Variants in ENPP7 observed in about 807,000 individuals in gnomAD.
The protein encoded by ENPP7 is ectonucleotide pyrophosphatase/phosphodiesterase 7.
ENPP7 carries 39 observed loss-of-function variants against 33.6 expected under a neutral mutation model. The ratio of observed to expected loss-of-function variants is 1.16; its 90% confidence interval spans 0.90 to 1.52. ENPP7 has a LOEUF of 1.52. ENPP7 is among the 40% of genes most tolerant of loss of function. ENPP7 has a pLI of 0.00. For synonymous variants in ENPP7, 244 were observed against 274.3 expected, an observed-to-expected ratio of 0.89 and a Z score of 1.09; for missense variants, 594 against 641.0, an observed-to-expected ratio of 0.93 and a Z score of 0.79.
Position 79,737,886 on chromosome 17 carries a change from C to T in ENPP7, c.1247-30C>T. The T allele has an allele frequency of 1.9e-6, 3 of 1,612,240 alleles. No homozygotes were observed. Among genetic ancestry groups the T allele is most frequent in the Non-Finnish European group, 2.5e-6 (3 of 1,179,300 alleles). On this transcript the variant is annotated intron_variant, in intron 4 of 5. Transcript: ENST00000328313. This position sits in a 1 kb window ranked among gnomAD's most constrained non-coding sequence, Gnocchi z 5.5. The stretch of plus-strand genomic sequence containing the variant: ...GGCTGGGGTGAGGAGCCATCCCTCT[C>T]TCCCTCACAGGTCCTCTGGCTTTCC...
Position 79,742,121 on chromosome 17 carries a change from T to A in ENPP7, c.*344T>A. 1 of 209,358 alleles carries A rather than the reference T, an allele frequency of 4.8e-6. No individual in the cohort carries two copies. The highest frequency in any genetic ancestry group is 8.3e-6 in the Non-Finnish European group (1 of 120,290). 13.0% of individuals were successfully genotyped at this position (209,358 alleles called of 1,614,324 possible). ...GCCACGCGGGGGCGCGCGGGAGCTC[T>A]GCGGGCGCTGGAACCTGCAGACCCG... On this transcript the variant is annotated 3_prime_UTR_variant, in exon 6 of 6. Transcript: ENST00000328313.
rs2094300759 is a variant in ENPP7 at position 79,738,795 on chromosome 17, T to G, written c.*16+733T>G. The G allele has an allele frequency of 6.6e-6, 1 of 152,108 alleles. No individual in the cohort carries two copies. Among genetic ancestry groups the G allele is most frequent in the Non-Finnish European group, 1.5e-5 (1 of 68,064 alleles). 9.4% of individuals were successfully genotyped at this position (152,108 alleles called of 1,614,324 possible). ...GGGAGCCTCCGAGGACAGTGCTCCCTTGTCTGTCTGTGCAGCCACAGCCTC... is the reference window on the plus strand; with the variant it reads ...GGGAGCCTCCGAGGACAGTGCTCCCGTGTCTGTCTGTGCAGCCACAGCCTC... On this transcript the variant is annotated intron_variant, in intron 5 of 5. Transcript: ENST00000328313. The surrounding 1 kb of genome is among the most constrained non-coding windows in gnomAD (Gnocchi z 6.2).
Position 79,733,171 on chromosome 17 carries a change from C to A in ENPP7, c.254-337C>A, listed in dbSNP as rs528171093. On this transcript the variant is annotated intron_variant, in intron 1 of 5. Coordinates refer to ENST00000328313, the MANE Select transcript of ENPP7 (RefSeq NM_178543.5). ...GACGGCCGTGGAGGTCACCCGCAAT[C>A]TTTTGCTAAAGCAAACAAGGCTGCC... Among the ~76,000 whole-genome samples, 12 of 152,362 alleles carry A rather than the reference C, an allele frequency of 7.9e-5. No individual in the cohort carries two copies. The South Asian group carries it at 2.3e-3, about 29-fold the overall frequency.
intron 1 of ENPP7, among the ~76,000 whole-genome samples, chr17:79,731,813 T>C (rs1449407028): frequency 2.0e-5 from 3 of 152,004 alleles, no homozygotes; most frequent in Non-Finnish European, 4.4e-5. Flanking sequence ...AAGCCAAATA[T>C]GGGGCCAGGC....
intron 1 of ENPP7, among the ~76,000 whole-genome samples, chr17:79,732,053 G>T (rs1467153769): frequency 1.4e-5 from 2 of 145,262 alleles, no homozygotes; most frequent in African/African-American, 5.1e-5. Context: ...AGCTGAGATC[G>T]CACCACTGCA....
At position 79,737,868 on chromosome 17, in the gene ENPP7, G is replaced by A. The variant is rs199845056; in HGVS notation, c.1247-48G>A. Reference sequence around the variant, plus strand: ...CCGAGTTTACTGTGGAGAGGCTGGGGTGAGGAGCCATCCCTCTCTCCCTCA... The same window carrying A: ...CCGAGTTTACTGTGGAGAGGCTGGGATGAGGAGCCATCCCTCTCTCCCTCA... On this transcript the variant is annotated intron_variant, in intron 4 of 5. Transcript: ENST00000328313. The surrounding 1 kb of genome is among the most constrained non-coding windows in gnomAD (Gnocchi z 5.5). The A allele has an allele frequency of 3.1e-6, 5 of 1,605,426 alleles. No homozygotes were observed. In the East Asian group the frequency reaches 1.1e-4, roughly 36 times the overall value.
chr17:79,738,048 G>A lies in ENPP7; in HGVS notation c.*2G>A, dbSNP rs375019109. On this transcript the variant is annotated 3_prime_UTR_variant, in exon 5 of 6. Coordinates refer to ENST00000328313, the MANE Select transcript of ENPP7 (RefSeq NM_178543.5). The surrounding 1 kb of genome is among the most constrained non-coding windows in gnomAD (Gnocchi z 6.2). Reference sequence around the variant, plus strand: ...ATTCTTCTGTCTGAGGTCGCATAACGCCCCATGGCTCAAGGTCAGAGACCC... The same window carrying A: ...ATTCTTCTGTCTGAGGTCGCATAACACCCCATGGCTCAAGGTCAGAGACCC... The A allele has an allele frequency of 1.3e-4, 204 of 1,609,774 alleles. No individual in the cohort carries two copies. The Middle Eastern group carries it at 1.5e-3, about 12-fold the overall frequency.
rs191381691 is a variant in ENPP7 at position 79,731,918 on chromosome 17, C to T, written c.253+526C>T. ...TTCGAGACCTGCCTGGCCAACATGG[C>T]GAAACCCCATCTCTACTAAAAATAC... is the stretch of plus-strand genomic sequence containing the variant. On this transcript the variant is annotated intron_variant, in intron 1 of 5. Transcript: ENST00000328313. 4.6e-3 allele frequency among the ~76,000 whole-genome samples: 700 copies of T among 151,720 alleles called. 9 individuals are homozygous for T. The highest frequency in any genetic ancestry group is 0.016 in the African/African-American group (671 of 41,394).
intron 5 of ENPP7, among the ~76,000 whole-genome samples, chr17:79,740,485 C>T (rs2094303319): frequency 6.6e-6 from 1 of 152,150 alleles, no homozygotes; most frequent in South Asian, 2.1e-4. Context: ...TGCTCAGGGG[C>T]TTGGGTCCTG....
At chr17:79,736,914 C>T (rs2094296876) in intron 3 of ENPP7, 127 bp from the exon 4 acceptor site, 2 of 711,882 alleles carry the variant, frequency 2.8e-6, no homozygotes, top group Non-Finnish European at 4.8e-6. Context: ...GAAACTGAGT[C>T]TTGGAACCCC....
At chr17:79,741,741 C>T in intron 5 of ENPP7, 53 bp from the exon 6 acceptor site, 1 of 976,466 alleles carries the variant, frequency 1.0e-6, no homozygotes, top group Non-Finnish European at 1.2e-6. Context: ...GACCTGCCCT[C>T]AGCCTGCCCC....
At chr17:79,736,048 C>T (rs1204463916) in intron 3 of ENPP7, among the ~76,000 whole-genome samples, 7 of 152,044 alleles carry the variant, frequency 4.6e-5, no homozygotes, top group Non-Finnish European at 8.8e-5. Context: ...GCATTACAGG[C>T]GCCTGCCACC....
Position 79,738,041 on chromosome 17 carries a change from G to C in ENPP7, c.1372G>C (p.Ala458Pro). Residue 458 changes from alanine to proline, a missense_variant, in exon 5 of 6, where the codon GCA (alanine) becomes CCA (proline). Ala to Pro is a conservative substitution (Grantham distance 27). Coordinates refer to ENST00000328313, the MANE Select transcript of ENPP7 (RefSeq NM_178543.5). The surrounding 1 kb of genome is among the most constrained non-coding windows in gnomAD (Gnocchi z 6.2). ...LGTVILLSEVA is the reference protein window; with the variant it reads ...LGTVILLSEVP ...GACCGTGATTCTTCTGTCTGAGGTC[G>C]CATAACGCCCCATGGCTCAAGGTCA... 1 of 1,610,620 alleles carries C rather than the reference G, an allele frequency of 6.2e-7. No individual in the cohort carries two copies. The highest frequency in any genetic ancestry group is 8.5e-7 in the Non-Finnish European group (1 of 1,179,926).
chr17:79,740,828 A>G (rs1311764585), intron 5 of ENPP7, among the ~76,000 whole-genome samples: 4 of 152,132 alleles, frequency 2.6e-5, no homozygotes, highest in Non-Finnish European at 5.9e-5. Flanking sequence ...GAGGTCACCG[A>G]ACACAAAGTA....
intron 1 of ENPP7, among the ~76,000 whole-genome samples, chr17:79,732,157 C>T (rs9912464): frequency 0.31 from 21,327 of 68,172 alleles, 4,443 homozygotes; most frequent in Non-Finnish European, 0.4. Flanking sequence ...TATACACACA[C>T]ATATATATAT....
Position 79,738,197 on chromosome 17 carries a change from T to A in ENPP7, c.*16+135T>A. The A allele has an allele frequency of 1.2e-6, 1 of 857,174 alleles. No homozygotes were observed. Among genetic ancestry groups the A allele is most frequent in the Non-Finnish European group, 1.8e-6 (1 of 555,270 alleles). The allele number at this position is 857,174 out of a possible 1,614,324, so 53.1% of individuals were successfully genotyped here. The stretch of plus-strand genomic sequence containing the variant: ...GCCAAGCAGGTGACTCCCACTGACC[T>A]GGCTGCCCCAGAGAGGCCATCACCC... On this transcript the variant is annotated intron_variant, in intron 5 of 5. Coordinates refer to ENST00000328313, the MANE Select transcript of ENPP7 (RefSeq NM_178543.5). The surrounding 1 kb of genome is among the most constrained non-coding windows in gnomAD (Gnocchi z 6.2).
intron 1 of ENPP7, 121 bp from the exon 2 acceptor site, chr17:79,733,387 C>T: frequency 1.3e-5 from 14 of 1,056,170 alleles, no homozygotes; most frequent in Admixed American, 3.9e-5. Context: ...CCCAGGCCCA[C>T]TCCCCACCCA....
rs145931726 is a variant in ENPP7 at position 79,733,624 on chromosome 17, G to T, written c.370G>T (p.Val124Leu). ...GIQRWWDNGSVPIWITAQRQG... is the reference protein window; with the variant it reads ...GIQRWWDNGSLPIWITAQRQG... The stretch of plus-strand genomic sequence containing the variant: ...CCAGAGGTGGTGGGACAACGGCAGC[G>T]TGCCCATCTGGATCACAGCCCAGAG... Residue 124 changes from valine (V) to leucine (L), a missense_variant, in exon 2 of 6, where the codon GTG (valine) becomes TTG (leucine). Transcript: ENST00000328313. The T allele has an allele frequency of 6.2e-6, 10 of 1,612,682 alleles. No individual in the cohort carries two copies. The highest frequency in any genetic ancestry group is 8.5e-6 in the Non-Finnish European group (10 of 1,179,948).
intron 3 of ENPP7, 128 bp from the exon 4 acceptor site, chr17:79,736,913 T>G: frequency 1.4e-6 from 1 of 702,866 alleles, no homozygotes; most frequent in Non-Finnish European, 2.4e-6. Context: ...GGAAACTGAG[T>G]CTTGGAACCC....
Sources: gnomAD v4.1 joint callset for allele counts (sites outside exome capture counted in the v4.1 genomes callset) on GRCh38, gnomAD v4.1.1 for gene constraint, Gnocchi (gnomAD v3.1) non-coding constraint, MANE v1.5 for transcripts, NCBI Gene and HGNC (gene_info 2026-07-23, HGNC 2026-07-21) for gene names.